Variants in KIT observed in about 807,000 individuals in gnomAD.
KIT encodes the protein KIT proto-oncogene, receptor tyrosine kinase.
KIT carries 16 observed loss-of-function variants against 105.7 expected under a neutral mutation model. The observed-to-expected ratio is 0.15, with a 90% CI of 0.10 to 0.23. The LOEUF (loss-of-function observed/expected upper bound fraction) is 0.23. Among genes scored for constraint, KIT ranks in the 10% least tolerant of loss-of-function variants. The pLI is 1.00. For synonymous variants in KIT, 438 were observed against 441.1 expected, an observed-to-expected ratio of 0.99 and a Z score of 0.09; for missense variants, 858 against 1,213.8, an observed-to-expected ratio of 0.71 and a Z score of 4.36.
intron 17 of KIT, among the ~76,000 whole-genome samples, chr4:54,734,870 G>A (rs191946130): frequency 5.5e-4 from 83 of 152,162 alleles, no homozygotes; most frequent in African/African-American, 1.9e-3. Flanking sequence ...GGAATACCAA[G>A]GAAAACAGTT....
chr4:54,662,798 C>T (rs991482180), intron 1 of KIT, among the ~76,000 whole-genome samples: 1 of 152,096 alleles, frequency 6.6e-6, no homozygotes, highest in African/African-American at 2.4e-5. Flanking sequence ...GTCTCGAACC[C>T]CTGACCTCAG....
At chr4:54,672,799 C>G (rs980036268) in intron 1 of KIT, among the ~76,000 whole-genome samples, 1 of 152,152 alleles carries the variant, frequency 6.6e-6, no homozygotes, top group Admixed American at 6.5e-5. Context: ...CATGGCTTTC[C>G]TGGCATTTTG....
At chr4:54,658,277 C>T (rs1311798031) in intron 1 of KIT, among the ~76,000 whole-genome samples, 196 bp downstream of exon 1, 5 of 152,106 alleles carry the variant, frequency 3.3e-5, no homozygotes, top group Admixed American at 6.5e-5. Context: ...CGAGGAGACC[C>T]CAGCTGCTGG....
intron 7 of KIT, among the ~76,000 whole-genome samples, chr4:54,716,081 CT>C (rs1433512111): frequency 1.3e-5 from 2 of 152,190 alleles, no homozygotes; most frequent in African/African-American, 4.8e-5. Flanking sequence ...CCAAACCATA[CT>C]TGTGTTAGAG....
intron 3 of KIT, 95 bp downstream of exon 3, chr4:54,698,660 A>G: frequency 7.3e-7 from 1 of 1,373,554 alleles, no homozygotes. Flanking sequence ...GTAGTCAATC[A>G]GGGAGCTAGC....
At chr4:54,678,350 T>TTCCTTCCC (rs1491521449) in intron 1 of KIT, among the ~76,000 whole-genome samples, 54 of 58,920 alleles carry the variant, frequency 9.2e-4, no homozygotes, top group African/African-American at 3.4e-3. Context: ...CCTTCCTTCC[T>TTCCTTCCC]TCCCTCCCTC....
chr4:54,680,654 A>T (rs958308761), intron 1 of KIT, among the ~76,000 whole-genome samples: 9 of 151,992 alleles, frequency 5.9e-5, no homozygotes, highest in Non-Finnish European at 7.4e-5. Flanking sequence ...CGGCCTCCCA[A>T]AGTGCTGGGA....
At chr4:54,681,600 G>A (rs1718922341) in intron 1 of KIT, among the ~76,000 whole-genome samples, 1 of 152,166 alleles carries the variant, frequency 6.6e-6, no homozygotes, top group South Asian at 2.1e-4. Flanking sequence ...TCTAGGAGAA[G>A]TCTGACCACA....
intron 8 of KIT, among the ~76,000 whole-genome samples, chr4:54,724,739 A>G (rs1185736345): frequency 6.6e-6 from 1 of 152,086 alleles, no homozygotes; most frequent in Non-Finnish European, 1.5e-5. Context: ...TAGTAACACT[A>G]ACGATAGCTG....
chr4:54,671,824 C>T (rs771857266), intron 1 of KIT, among the ~76,000 whole-genome samples: 3 of 152,126 alleles, frequency 2.0e-5, no homozygotes, highest in Admixed American at 6.5e-5. Context: ...AATGAACCCT[C>T]ATATAACCAT....
intron 17 of KIT, among the ~76,000 whole-genome samples, chr4:54,736,206 A>G (rs551204364): frequency 2.6e-5 from 4 of 152,188 alleles, no homozygotes; most frequent in Non-Finnish European, 5.9e-5. Flanking sequence ...CCTAAGGCCC[A>G]TGGTGGAGCC....
rs78018776 is a variant in KIT, at chr4:54,696,254, G to A, written c.337+473G>A. The stretch of plus-strand genomic sequence containing the variant: ...TTGGTCAGCTAAACATCCCATGTCT[G>A]TCATGGGTTCTTTGTAGAGTTGTCC... On this transcript the variant is annotated intron_variant, in intron 2 of 20. Coordinates refer to ENST00000288135, the MANE Select transcript of KIT (RefSeq NM_000222.3). Among the ~76,000 whole-genome samples the A allele has an allele frequency of 2.0e-3, 301 of 152,298 alleles. 2 individuals are homozygous for A. The highest frequency in any genetic ancestry group is 6.8e-3 in the African/African-American group (283 of 41,556).
rs71662297 is a variant in KIT at position 54,732,045 on chromosome 4, ATTTTTTTTTTT to A, written c.2361+62_2361+72del. 6.8e-6 allele frequency: 6 copies of A among 887,878 alleles called. No homozygotes were observed. The Admixed American group carries it at 1.0e-4, about 15-fold the overall frequency. The allele number at this position is 887,878 out of a possible 1,614,324, so 55.0% of individuals were successfully genotyped here. A position where few individuals can be genotyped will look rare whatever the true frequency, so the allele number is the denominator to read the frequency against. On this transcript the variant is annotated intron_variant, in intron 16 of 20. Coordinates refer to ENST00000288135, the MANE Select transcript of KIT (RefSeq NM_000222.3). ...AAGAGTTTTGTGTTTTGTTTTTTTG[ATTTTTTTTTTT>A]TTTTTTTTTTTTTTGAGAACAGAGC...
Position 54,709,514 on chromosome 4 carries a change from C to T in KIT, c.1206C>T (p.Ala402=), listed in dbSNP as rs747686609. The change falls in exon 7 of 21, where the codon GCC becomes GCT. Residue 402 remains alanine, a synonymous_variant. Transcript: ENST00000288135. The stretch of plus-strand genomic sequence containing the variant: ...TGTCCAATTCTGACGTCAATGCTGC[C>T]ATAGCATTTAATGTTTATGTGAATA... ...FLVSNSDVNA[A]IAFNVYVNTK... is the part of the protein sequence containing the mutation. 14 of 1,605,122 alleles carry T rather than the reference C, an allele frequency of 8.7e-6. No individual in the cohort carries two copies. The highest frequency in any genetic ancestry group is 1.1e-5 in the Non-Finnish European group (13 of 1,171,884).
chr4:54,732,283 G>A (rs1722659619), intron 16 of KIT, among the ~76,000 whole-genome samples: 1 of 151,712 alleles, frequency 6.6e-6, no homozygotes, highest in Non-Finnish European at 1.5e-5. Context: ...TAAAACTTTT[G>A]GCTTTTAGGA....
At chr4:54,675,168 C>CT (rs1718382094) in intron 1 of KIT, among the ~76,000 whole-genome samples, 1 of 152,178 alleles carries the variant, frequency 6.6e-6, no homozygotes, top group African/African-American at 2.4e-5. Context: ...AAATTACCTA[C>CT]TAAAAGGTTA....
chr4:54,675,662 A>G (rs939098671), intron 1 of KIT, among the ~76,000 whole-genome samples: 13 of 152,352 alleles, frequency 8.5e-5, no homozygotes, highest in Admixed American at 2.6e-4. Context: ...TTAGCAATTT[A>G]GAAAATTGGT....
intron 1 of KIT, among the ~76,000 whole-genome samples, chr4:54,661,349 ATGT>A (rs1470605103): frequency 6.6e-6 from 1 of 151,814 alleles, no homozygotes; most frequent in Admixed American, 6.6e-5. Context: ...TTATGTACAG[ATGT>A]TGTGGTGGTG....
At chr4:54,668,108 A>G (rs973386804) in intron 1 of KIT, among the ~76,000 whole-genome samples, 6 of 152,234 alleles carry the variant, frequency 3.9e-5, no homozygotes, top group African/African-American at 1.4e-4. Flanking sequence ...AACCTTGATA[A>G]GGAGCCTGTG....
Sources: allele counts gnomAD v4.1 joint callset (sites outside exome capture counted in the v4.1 genomes callset), GRCh38; gene constraint gnomAD v4.1.1; transcripts MANE v1.5; gene names NCBI Gene and HGNC (gene_info 2026-07-23, HGNC 2026-07-21).